TBC1D5: variants seen among roughly 807,000 people sequenced by gnomAD.
The protein encoded by TBC1D5 is TBC1 domain family, member 5.
A neutral mutation model predicts 100.3 loss-of-function variants in TBC1D5; 75 were observed. The observed-to-expected ratio is 0.75, with a 90% confidence interval of 0.62 to 0.91. The LOEUF is 0.91. Ranked by LOEUF, TBC1D5 falls within the 40% of genes least tolerant of loss-of-function variation. TBC1D5 has a pLI of 0.00. For missense variants in TBC1D5, 910 were observed against 942.4 expected (o/e 0.97, Z 0.45); for synonymous variants, 323 against 325.6 (o/e 0.99, Z 0.09).
intron 2 of TBC1D5, among the ~76,000 whole-genome samples, chr3:17,594,306 C>T (rs2060425653): frequency 6.6e-6 from 1 of 152,104 alleles, no homozygotes; most frequent in Non-Finnish European, 1.5e-5. Flanking sequence ...CTTAGTATTA[C>T]CATGCCTTGT....
intron 1 of TBC1D5, among the ~76,000 whole-genome samples, chr3:17,701,872 G>A (rs2073268542): frequency 6.7e-6 from 1 of 149,932 alleles, no homozygotes; most frequent in African/African-American, 2.5e-5. Context: ...TCCTAACTAA[G>A]AATAAGGGCT....
At chr3:17,232,814 C>G (rs1190885403) in intron 17 of TBC1D5, among the ~76,000 whole-genome samples, 1 of 152,074 alleles carries the variant, frequency 6.6e-6, no homozygotes, top group Non-Finnish European at 1.5e-5. Context: ...ATTATTAAAA[C>G]AGTATTTTAA....
intron 2 of TBC1D5, among the ~76,000 whole-genome samples, chr3:17,583,874 G>A (rs1293380828): frequency 6.6e-6 from 1 of 152,174 alleles, no homozygotes; most frequent in Non-Finnish European, 1.5e-5. Context: ...CATATGAACA[G>A]AGAATAGGTA....
chr3:17,563,196 G>T (rs1033291247), intron 2 of TBC1D5, among the ~76,000 whole-genome samples: 1 of 152,182 alleles, frequency 6.6e-6, no homozygotes, highest in Non-Finnish European at 1.5e-5. Flanking sequence ...AACAAAGGAA[G>T]AATATAATAA....
intron 3 of TBC1D5, among the ~76,000 whole-genome samples, chr3:17,468,970 C>G (rs2095341453): frequency 6.6e-6 from 1 of 152,150 alleles, no homozygotes; most frequent in African/African-American, 2.4e-5. Context: ...TTTCATTTAC[C>G]TGAAGTGACT....
At chr3:17,185,032 GGCCTAGAACAAA>G (rs2125508296) in intron 19 of TBC1D5, 65 bp downstream of exon 20, 1 of 1,298,876 alleles carries the variant, frequency 7.7e-7, no homozygotes, top group East Asian at 2.3e-5. Flanking sequence ...CTTAGCACAA[GGCCTAGAACAAA>G]GTATTGCTAG....
intron 18 of TBC1D5, among the ~76,000 whole-genome samples, chr3:17,194,492 T>C (rs1293427596): frequency 6.6e-6 from 1 of 152,230 alleles, no homozygotes; most frequent in Non-Finnish European, 1.5e-5. Flanking sequence ...CAAACATTTA[T>C]ACAATTTCTC....
intron 1 of TBC1D5, among the ~76,000 whole-genome samples, chr3:17,704,106 AG>A (rs1241770372): frequency 1.6e-4 from 23 of 143,006 alleles, no homozygotes; most frequent in African/African-American, 6.0e-4. Flanking sequence ...ACTTGAGATT[AG>A]GGATTGGTGA....
At chr3:17,654,302 C>A (rs571575268) in intron 1 of TBC1D5, among the ~76,000 whole-genome samples, 1 of 152,012 alleles carries the variant, frequency 6.6e-6, no homozygotes, top group African/African-American at 2.4e-5. Context: ...AATCTGTAAC[C>A]TTCTTCTTAG....
chr3:17,227,343 C>T (rs996928591), intron 17 of TBC1D5, among the ~76,000 whole-genome samples: 8 of 151,990 alleles, frequency 5.3e-5, no homozygotes, highest in African/African-American at 1.9e-4. Flanking sequence ...TGCTCCCTGC[C>T]ATCAATATGT....
chr3:17,599,874 T>C (rs553195967), intron 2 of TBC1D5, among the ~76,000 whole-genome samples: 2 of 152,032 alleles, frequency 1.3e-5, no homozygotes, highest in South Asian at 4.2e-4. Flanking sequence ...AAAAGGGAAA[T>C]GAGGGGGATG....
At chr3:17,183,894 C>T (rs2068727156) in intron 19 of TBC1D5, among the ~76,000 whole-genome samples, 1 of 152,306 alleles carries the variant, frequency 6.6e-6, no homozygotes, top group Non-Finnish European at 1.5e-5. Context: ...GGTTTCTCCT[C>T]ACAGGTGGGA....
intron 7 of TBC1D5, 40 bp from the exon 8 acceptor site, chr3:17,403,288 T>C: frequency 7.4e-7 from 1 of 1,359,508 alleles, no homozygotes; most frequent in Non-Finnish European, 1.0e-6. Flanking sequence ...GTCTCACACC[T>C]TTGTTTTACT....
intron 18 of TBC1D5, among the ~76,000 whole-genome samples, chr3:17,193,383 C>T (rs1391651526): frequency 1.3e-5 from 2 of 152,218 alleles, no homozygotes; most frequent in Non-Finnish European, 2.9e-5. Context: ...TACATATCAA[C>T]TTCACATTCT....
chr3:17,193,633 C>T (rs1175371825), intron 18 of TBC1D5, among the ~76,000 whole-genome samples: 1 of 152,082 alleles, frequency 6.6e-6, no homozygotes, highest in Non-Finnish European at 1.5e-5. Flanking sequence ...CATTTCTTAC[C>T]CCTTTTTATT....
At position 17,402,453 on chromosome 3, in the gene TBC1D5, C is replaced by A. The variant is rs1294875845; in HGVS notation, c.509+728G>T. Among the ~76,000 whole-genome samples, 3 of 152,088 alleles carry A rather than the reference C, an allele frequency of 2.0e-5. 1 individual carries two copies. The highest frequency in any genetic ancestry group is 4.4e-5 in the Non-Finnish European group (3 of 67,998). ...TTTATAGTTTAAAGTATAAACTTAT[C>A]TAATTTACTATTCTGACAGATATTA... On this transcript the variant is annotated intron_variant, in intron 8 of 21. Coordinates refer to ENST00000253692, the Ensembl canonical transcript of TBC1D5.
intron 9 of TBC1D5, 76 bp from the exon 10 acceptor site, chr3:17,376,689 A>C: frequency 7.9e-7 from 1 of 1,265,884 alleles, no homozygotes; most frequent in Non-Finnish European, 1.1e-6. Context: ...ACTCAGTTAA[A>C]TACTTCTTCA....
At chr3:17,493,453 G>T (rs1333515663) in intron 3 of TBC1D5, among the ~76,000 whole-genome samples, 1 of 151,994 alleles carries the variant, frequency 6.6e-6, no homozygotes, top group African/African-American at 2.4e-5. Flanking sequence ...TCTATTTCCT[G>T]AATTTGAATG....
intron 2 of TBC1D5, among the ~76,000 whole-genome samples, chr3:17,509,433 C>T (rs2095877779): frequency 6.6e-6 from 1 of 151,974 alleles, no homozygotes; most frequent in Non-Finnish European, 1.5e-5. Context: ...GCAAACTGTA[C>T]TCTATAAAGG....
Sources: allele counts gnomAD v4.1 joint callset (sites outside exome capture counted in the v4.1 genomes callset), GRCh38; gene constraint gnomAD v4.1.1; transcripts MANE v1.5; gene names NCBI Gene and HGNC (gene_info 2026-07-23, HGNC 2026-07-21).